TMEM165: variants seen among roughly 807,000 people sequenced by gnomAD.
The protein encoded by TMEM165 is transmembrane protein 165.
A neutral mutation model predicts 30.0 loss-of-function variants in TMEM165; 19 were observed. That is an observed-to-expected ratio of 0.63 (90% CI 0.44 to 0.93). The LOEUF is 0.93. Among genes scored for constraint, TMEM165 ranks in the 40% least tolerant of loss-of-function variants. TMEM165 has a pLI of 0.00. For missense variants in TMEM165, 340 were observed against 417.0 expected, an observed-to-expected ratio of 0.82 and a Z score of 1.61; for synonymous variants, 168 against 162.9, an observed-to-expected ratio of 1.03 and a Z score of -0.24.
rs528151265 is a variant in TMEM165 at position 55,442,310 on chromosome 4, C to G, written c.409-9929C>G. 7.0e-5 allele frequency: 57 copies of G among 809,430 alleles called. 1 individual carries two copies. In the South Asian group the frequency reaches 8.7e-4, roughly 12 times the overall value. The allele number at this position is 809,430 out of a possible 1,614,324, so 50.1% of individuals were successfully genotyped here. The stretch of plus-strand genomic sequence containing the variant: ...AGTGTTTTTATTTCAAATTTAAGAA[C>G]ATTGGCTGCAGTGAGCATCTCATTA... On this transcript the variant is annotated intron_variant, in intron 3 of 3. Transcript: ENST00000608091.
At chr4:55,448,913 TA>T (rs1425665615) in intron 3 of TMEM165, 8 of 1,354,464 alleles carry the variant, frequency 5.9e-6, no homozygotes, top group Non-Finnish European at 8.5e-6. Context: ...CTCATTCCCA[TA>T]CATGAGTACT....
Position 55,424,853 on chromosome 4 carries a change from C to T in TMEM165, c.898+210C>T, listed in dbSNP as rs1247269169. ...TAGCAAAATACAAAGTCATTTTTAT[C>T]GAATTCATAGTAGCTTCTTGTTAAC... On this transcript the variant is annotated intron_variant, in intron 5 of 5. Transcript: ENST00000381334. 9.7e-6 allele frequency: 5 copies of T among 513,778 alleles called. No homozygotes were observed. The Admixed American group carries it at 1.5e-4, about 15-fold the overall frequency. 31.8% of individuals were successfully genotyped at this position (513,778 alleles called of 1,614,324 possible).
At chr4:55,411,144 A>G (rs575690014) in intron 1 of TMEM165, among the ~76,000 whole-genome samples, 2 of 152,210 alleles carry the variant, frequency 1.3e-5, no homozygotes, top group African/African-American at 4.8e-5. Flanking sequence ...CAAAAAAAAA[A>G]AAAAAAAGGG....
At chr4:55,424,083 C>G (rs911120409) in intron 4 of TMEM165, 1 of 156,032 alleles carries the variant, frequency 6.4e-6, no homozygotes, top group Non-Finnish European at 1.4e-5. Context: ...TCCTTGATTC[C>G]TGGCACTGAG....
Position 55,424,570 on chromosome 4 carries a change from G to A in TMEM165, c.825G>A (p.Val275=). ...DPYGVAVGGT[V]GHCLCTGLAV... ...ATGGTGTAGCCGTGGGTGGAACTGT[G>A]GGGCACTGCCTGTGCACGGGATTGG... Residue 275 remains valine, a synonymous_variant, in exon 5 of 6, where the codon GTG becomes GTA. Transcript: ENST00000381334. The A allele has an allele frequency of 6.2e-7, 1 of 1,613,808 alleles. No individual in the cohort carries two copies. Among genetic ancestry groups the A allele is most frequent in the Non-Finnish European group, 8.5e-7 (1 of 1,179,724 alleles).
At chr4:55,423,123 C>T (rs986029966) in intron 4 of TMEM165, 8 of 151,984 alleles carry the variant, frequency 5.3e-5, no homozygotes, top group African/African-American at 1.4e-4. Context: ...TTTTAAGAGA[C>T]GGGATCTCGC....
intron 1 of TMEM165, among the ~76,000 whole-genome samples, chr4:55,397,745 C>G (rs1308486272): frequency 6.8e-6 from 1 of 146,054 alleles, no homozygotes; most frequent in African/African-American, 2.5e-5. Flanking sequence ...CCTTCCTTTC[C>G]TTTTTCCTTT....
chr4:55,431,149 T>C (rs1722474991), downstream of TMEM165: 1 of 152,170 alleles, frequency 6.6e-6, no homozygotes, highest in Non-Finnish European at 1.5e-5. Context: ...CTGTGGTATG[T>C]TGTTTTAAAA....
rs1486593954 is a variant in TMEM165 at position 55,417,993 on chromosome 4, A to C, written c.792+8A>C. On this transcript the variant is annotated splice_region_variant and intron_variant, in intron 4 of 5. Transcript: ENST00000381334. The stretch of plus-strand genomic sequence containing the variant: ...GTATTGGCAGCTAGAGAGGTGAGTG[A>C]TATTTGAGAGGAGACTGTTTAAAAT... 1 of 1,599,442 alleles carries C rather than the reference A, an allele frequency of 6.3e-7. No individual in the cohort carries two copies. The highest frequency in any genetic ancestry group is 1.8e-5 in the Admixed American group (1 of 56,602).
At chr4:55,444,147 T>G (rs1182592311) in intron 3 of TMEM165, among the ~76,000 whole-genome samples, 1 of 152,220 alleles carries the variant, frequency 6.6e-6, no homozygotes, top group Non-Finnish European at 1.5e-5. Context: ...CAGCTCTGTA[T>G]CACTTATCAT....
Position 55,411,774 on chromosome 4 carries a change from G to A in TMEM165, c.368G>A (p.Arg123His), listed in dbSNP as rs200387407. The A allele has an allele frequency of 1.9e-6, 3 of 1,614,174 alleles. No homozygotes were observed. The highest frequency in any genetic ancestry group is 3.3e-5 in the Admixed American group (2 of 60,022). Residue 123 changes from arginine (R) to histidine (H), a missense_variant, in exon 2 of 6, where the codon CGC (arginine) becomes CAC (histidine). Transcript: ENST00000381334. ...TTTATAGCAGCCATCATGGCAATGC[G>A]CTATAACCGCCTGACCGTGCTGGCT... ...TFFIAAIMAM[R>H]YNRLTVLAGA... is the part of the protein sequence containing the mutation.
intron 3 of TMEM165, among the ~76,000 whole-genome samples, chr4:55,436,276 GACAA>G (rs1411159576): frequency 6.6e-6 from 1 of 152,172 alleles, no homozygotes; most frequent in Non-Finnish European, 1.5e-5. Context: ...TATAAAGACA[GACAA>G]ACAAAACAAA....
chr4:55,400,454 A>T (rs1412094801), intron 1 of TMEM165, among the ~76,000 whole-genome samples: 2 of 138,262 alleles, frequency 1.4e-5, no homozygotes, highest in Non-Finnish European at 3.0e-5. Context: ...TAATATATAT[A>T]TATTTTTTTG....
rs2109566668 is a variant in TMEM165 at position 55,424,636 on chromosome 4, C to T, written c.891C>T (p.Val297=). 6.3e-7 allele frequency: 1 copy of T among 1,596,690 alleles called. No individual in the cohort carries two copies. Among genetic ancestry groups the T allele is most frequent in the Middle Eastern group, 1.7e-4 (1 of 6,008 alleles). Reference sequence around the variant, plus strand: ...GAATGATAGCACAGAAAATCTCTGTCAGAACTGGTAAGTCTTGAAAATTAC... The same window carrying T: ...GAATGATAGCACAGAAAATCTCTGTTAGAACTGGTAAGTCTTGAAAATTAC... The part of the protein sequence containing the change: ...GGRMIAQKIS[V]RTVTIIGGIV... The change falls in exon 5 of 6, where the codon GTC becomes GTT. Residue 297 remains valine (V), a synonymous_variant. Coordinates refer to ENST00000381334, the MANE Select transcript of TMEM165 (RefSeq NM_018475.5).
chr4:55,445,223 T>C (rs1488736118), intron 3 of TMEM165, among the ~76,000 whole-genome samples: 7 of 68,742 alleles, frequency 1.0e-4, no homozygotes, highest in South Asian at 1.3e-3. Flanking sequence ...CTATTGAAGA[T>C]AGAGTTAAAA....
At chr4:55,422,839 C>T (rs932794453) in intron 4 of TMEM165, among the ~76,000 whole-genome samples, 3 of 151,908 alleles carry the variant, frequency 2.0e-5, no homozygotes, top group African/African-American at 7.2e-5. Flanking sequence ...TTAGTAGAGA[C>T]AGCATTTCAC....
At chr4:55,431,602 A>G (rs1722507799) in intron 3 of TMEM165, 1 of 152,190 alleles carries the variant, frequency 6.6e-6, no homozygotes, top group Admixed American at 6.5e-5. Flanking sequence ...CCCCCTTCCA[A>G]CAGGGACTCC....
intron 2 of TMEM165, among the ~76,000 whole-genome samples, chr4:55,414,343 T>G (rs761675525): frequency 6.6e-6 from 1 of 152,246 alleles, no homozygotes; most frequent in Non-Finnish European, 1.5e-5. Flanking sequence ...TTAAGTGGGT[T>G]TAACAGTCTT....
intron 3 of TMEM165, among the ~76,000 whole-genome samples, chr4:55,444,096 A>G (rs1723593157): frequency 6.6e-6 from 1 of 152,196 alleles, no homozygotes; most frequent in East Asian, 1.9e-4. Flanking sequence ...CTTGTTTCCA[A>G]TTGTTAGAAA....
Sources: allele counts gnomAD v4.1 joint callset (sites outside exome capture counted in the v4.1 genomes callset), GRCh38; gene constraint gnomAD v4.1.1; transcripts MANE v1.5; gene names NCBI Gene and HGNC (gene_info 2026-07-23, HGNC 2026-07-21).